The following NOL4L variants were observed in gnomAD, a reference collection of about 807,000 sequenced individuals.
NOL4L encodes nucleolar protein 4-like.
A neutral mutation model predicts 64.5 loss-of-function variants in NOL4L; 7 were observed. That is an observed-to-expected ratio of 0.11 (90% CI 0.06 to 0.20). NOL4L has a LOEUF of 0.20. Ranked by LOEUF, NOL4L falls within the 10% of genes least tolerant of loss-of-function variation. The probability of loss-of-function intolerance (pLI) is 1.00; values close to 1 mark genes in which losing one functional copy is unlikely to be tolerated. For synonymous variants in NOL4L, 413 were observed against 401.0 expected (o/e 1.03, Z -0.36); for missense variants, 680 against 967.1 (o/e 0.70, Z 3.94).
chr20:32,506,943 C>T (rs2017163047), intron 4 of NOL4L, among the ~76,000 whole-genome samples: 1 of 152,200 alleles, frequency 6.6e-6, no homozygotes, highest in Non-Finnish European at 1.5e-5. Context: ...ACTTCACACA[C>T]TGCTGTGAGG....
intron 1 of NOL4L, among the ~76,000 whole-genome samples, chr20:32,543,612 CTG>C (rs2018689837): frequency 6.7e-6 from 1 of 149,904 alleles, no homozygotes; most frequent in Admixed American, 6.7e-5. Context: ...GAGCGAGACT[CTG>C]TCACAAAAAA....
At chr20:32,581,457 GGCCCTGACCACA>G (rs1244690425) in intron 1 of NOL4L, among the ~76,000 whole-genome samples, 1 of 152,206 alleles carries the variant, frequency 6.6e-6, no homozygotes, top group Non-Finnish European at 1.5e-5. Flanking sequence ...ACTAGGAGAG[GGCCCTGACCACA>G]GCACCGCATA....
At chr20:32,452,741 C>CT in intron 9 of NOL4L, 143 bp downstream of exon 9, 1 of 1,325,446 alleles carries the variant, frequency 7.5e-7, no homozygotes, top group Non-Finnish European at 1.0e-6. Flanking sequence ...CACCCACCTC[C>CT]TCTCCTTGTC....
intron 1 of NOL4L, among the ~76,000 whole-genome samples, chr20:32,545,491 A>G (rs1242396917): frequency 6.6e-6 from 1 of 152,142 alleles, no homozygotes; most frequent in Non-Finnish European, 1.5e-5. Flanking sequence ...GTGTGTGTCT[A>G]GGGCCCCCTG....
In NOL4L at chr20:32,452,512, G is replaced by A. The variant is rs540534054; in HGVS notation, c.1621-75C>T. ...CAACTACCATCCCTGGACACAAGGT[G>A]GATAAATGCTGCGGCCCCAGGACTC... On this transcript the variant is annotated intron_variant, in intron 9 of 10. Transcript: ENST00000621426. 9.7e-6 allele frequency: 13 copies of A among 1,337,310 alleles called. No homozygotes were observed. The East Asian group carries it at 2.9e-4, about 30-fold the overall frequency. The allele number at this position is 1,337,310 out of a possible 1,614,324, so 82.8% of individuals were successfully genotyped here. A position where few individuals can be genotyped will look rare whatever the true frequency, so the allele number is the denominator to read the frequency against.
chr20:32,475,109 C>T (rs1375937713), intron 4 of NOL4L: 2 of 985,496 alleles, frequency 2.0e-6, no homozygotes, highest in South Asian at 9.4e-5. Flanking sequence ...GACCGGGGCT[C>T]ACTCTGCACA....
At chr20:32,496,041 C>G (rs1401699259) in intron 4 of NOL4L, among the ~76,000 whole-genome samples, 1 of 152,168 alleles carries the variant, frequency 6.6e-6, no homozygotes, top group Non-Finnish European at 1.5e-5. Context: ...AGGTCCCTGC[C>G]CTGCTTCCCT....
At chr20:32,450,547 C>T (rs942889479) in intron 10 of NOL4L, 1 of 152,356 alleles carries the variant, frequency 6.6e-6, no homozygotes, top group African/African-American at 2.4e-5. Context: ...AAGAATCATT[C>T]TCTGGCTGCT....
intron 3 of NOL4L, among the ~76,000 whole-genome samples, chr20:32,511,916 G>A (rs1043880406): frequency 6.6e-6 from 1 of 152,154 alleles, no homozygotes; most frequent in Non-Finnish European, 1.5e-5. Context: ...TGAAGTGGGA[G>A]GATCGCTTGA....
At chr20:32,547,614 A>C (rs1306246830) in intron 1 of NOL4L, among the ~76,000 whole-genome samples, 2 of 152,122 alleles carry the variant, frequency 1.3e-5, no homozygotes, top group Non-Finnish European at 2.9e-5. Flanking sequence ...ACACTGTCCT[A>C]GGCTGTCCCT....
At chr20:32,488,224 G>C (rs960924336) in intron 4 of NOL4L, among the ~76,000 whole-genome samples, 1 of 152,148 alleles carries the variant, frequency 6.6e-6, no homozygotes, top group Admixed American at 6.6e-5. Flanking sequence ...GTTTAACGTA[G>C]CATTTGGCAC....
chr20:32,564,192 G>A (rs779424069), intron 1 of NOL4L, among the ~76,000 whole-genome samples: 11 of 152,172 alleles, frequency 7.2e-5, no homozygotes, highest in Non-Finnish European at 1.2e-4. Context: ...ACCCGGCCGC[G>A]CCCCAGGAAG....
At chr20:32,500,095 A>G (rs1292576503) in intron 4 of NOL4L, among the ~76,000 whole-genome samples, 1 of 104,414 alleles carries the variant, frequency 9.6e-6, no homozygotes, top group Non-Finnish European at 1.7e-5. Flanking sequence ...AAATGGATCA[A>G]AGATTAAATA....
At chr20:32,514,290 G>A (rs2017546963) in intron 3 of NOL4L, among the ~76,000 whole-genome samples, 1 of 152,064 alleles carries the variant, frequency 6.6e-6, no homozygotes, top group Admixed American at 6.6e-5. Context: ...TCAGGAGTTG[G>A]GAGACCAGCC....
intron 6 of NOL4L, among the ~76,000 whole-genome samples, chr20:32,455,574 T>G (rs960728808): frequency 6.6e-6 from 1 of 152,136 alleles, no homozygotes; most frequent in African/African-American, 2.4e-5. Flanking sequence ...TGTGGAAGTG[T>G]GGGGGAGGCC....
chr20:32,465,980 C>CTTTT (rs34290597), intron 5 of NOL4L, among the ~76,000 whole-genome samples: 1 of 129,118 alleles, frequency 7.7e-6, no homozygotes, highest in African/African-American at 3.0e-5. Context: ...CACCTCCATT[C>CTTTT]TTTTTTTTTT....
intron 1 of NOL4L, among the ~76,000 whole-genome samples, 177 bp from the exon 2 acceptor site, chr20:32,528,090 G>A (rs2018203683): frequency 1.3e-5 from 2 of 152,200 alleles, no homozygotes; most frequent in Non-Finnish European, 2.9e-5. Flanking sequence ...GAGTCAGGGT[G>A]GCTGCAGCTA....
chr20:32,453,490 A>G lies in NOL4L; in HGVS notation c.1311T>C (p.Phe437=). 2 of 1,613,966 alleles carry G rather than the reference A, an allele frequency of 1.2e-6. No individual in the cohort carries two copies. Among genetic ancestry groups the G allele is most frequent in the Non-Finnish European group, 1.7e-6 (2 of 1,179,914 alleles). The change falls in exon 8 of 11, where the codon TTT becomes TTC. Residue 437 remains phenylalanine, a synonymous_variant. Coordinates refer to ENST00000621426, the MANE Select transcript of NOL4L (RefSeq NM_001256798.2). The surrounding 1 kb of genome is among the most constrained non-coding windows in gnomAD (Gnocchi z 5.6). ...GGTTCTCGTCCACAAAGAGACGCACAAACATCTGTGGAGACACGGGCCATG... is the reference window on the plus strand; with the variant it reads ...GGTTCTCGTCCACAAAGAGACGCACGAACATCTGTGGAGACACGGGCCATG... ...DPERLKAFNM[F]VRLFVDENLD... is the part of the protein sequence containing the mutation.
chr20:32,527,996 A>T, intron 1 of NOL4L, 83 bp from the exon 2 acceptor site: 11 of 920,706 alleles, frequency 1.2e-5, no homozygotes, highest in African/African-American at 3.5e-5. Context: ...GCAAGGGGTC[A>T]GGACGGGCAA....
Sources: gnomAD v4.1 joint callset for allele counts (sites outside exome capture counted in the v4.1 genomes callset) on GRCh38, gnomAD v4.1.1 for gene constraint, Gnocchi (gnomAD v3.1) non-coding constraint, MANE v1.5 for transcripts, NCBI Gene and HGNC (gene_info 2026-07-23, HGNC 2026-07-21) for gene names.